KSR2: variants seen among roughly 807,000 people sequenced by gnomAD.
KSR2 encodes kinase suppressor of ras 2.
Under a neutral mutation model 107.8 loss-of-function variants are expected in KSR2, and 25 were observed. The observed-to-expected ratio is 0.23, with a 90% CI of 0.17 to 0.32. The LOEUF (loss-of-function observed/expected upper bound fraction) is 0.32, where lower values mean the gene tolerates loss of function less well. Among genes scored for constraint, KSR2 ranks in the 10% least tolerant of loss-of-function variants. The probability of loss-of-function intolerance (pLI) is 1.00; values close to 1 mark genes in which losing one functional copy is unlikely to be tolerated. For synonymous variants in KSR2, 480 were observed against 507.0 expected (o/e 0.95, Z 0.71); for missense variants, 887 against 1,268.9 (o/e 0.70, Z 4.57).
intron 1 of KSR2, among the ~76,000 whole-genome samples, chr12:117,959,005 T>C (rs966878195): frequency 1.3e-4 from 20 of 152,190 alleles, no homozygotes; most frequent in African/African-American, 4.6e-4. Flanking sequence ...ATGTTCTCAG[T>C]ATAAAGAAAA....
chr12:117,873,461 CTT>C (rs546188012), intron 1 of KSR2, among the ~76,000 whole-genome samples: 1 of 119,470 alleles, frequency 8.4e-6, no homozygotes, highest in Non-Finnish European at 1.7e-5. Context: ...GTTCATGGTG[CTT>C]TTTTTTTTTT....
intron 1 of KSR2, among the ~76,000 whole-genome samples, chr12:117,942,765 G>A (rs186863722): frequency 1.3e-5 from 2 of 151,700 alleles, no homozygotes; most frequent in Admixed American, 6.6e-5. Context: ...CTTCCAAGGT[G>A]CTGGGATTAC....
chr12:117,585,056 C>CTG (rs764103053), intron 5 of KSR2, among the ~76,000 whole-genome samples: 8 of 151,918 alleles, frequency 5.3e-5, no homozygotes, highest in African/African-American at 1.2e-4. Flanking sequence ...CTGTGTGTGT[C>CTG]TGTGTGTGTG....
At chr12:117,887,694 A>G (rs1894216287) in intron 1 of KSR2, among the ~76,000 whole-genome samples, 1 of 152,202 alleles carries the variant, frequency 6.6e-6, no homozygotes, top group Non-Finnish European at 1.5e-5. Flanking sequence ...GTGGCTCATC[A>G]GCAGTATCAA....
intron 3 of KSR2, among the ~76,000 whole-genome samples, chr12:117,781,614 C>A (rs895731721): frequency 7.2e-5 from 11 of 152,194 alleles, no homozygotes; most frequent in African/African-American, 2.7e-4. Context: ...TTGTCTGTGT[C>A]TTCAACTGGA....
At chr12:117,853,769 C>T (rs1893003377) in intron 3 of KSR2, among the ~76,000 whole-genome samples, 1 of 152,134 alleles carries the variant, frequency 6.6e-6, no homozygotes, top group South Asian at 2.1e-4. Flanking sequence ...CAGCCACACT[C>T]ATGTTGGGTG....
At chr12:117,485,793 A>T (rs973797103) in intron 14 of KSR2, 102 bp from the exon 15 acceptor site, 4 of 775,490 alleles carry the variant, frequency 5.2e-6, no homozygotes, top group African/African-American at 5.1e-5. Flanking sequence ...ACACGTGGAC[A>T]TGCCACTATT....
chr12:117,540,847 G>A (rs897255987), intron 9 of KSR2, among the ~76,000 whole-genome samples: 2 of 152,220 alleles, frequency 1.3e-5, no homozygotes, highest in African/African-American at 4.8e-5. Flanking sequence ...AGAACTGTGT[G>A]AGAATAAATT....
At chr12:117,951,218 GTTC>G (rs1896356645) in intron 1 of KSR2, among the ~76,000 whole-genome samples, 2 of 152,118 alleles carry the variant, frequency 1.3e-5, no homozygotes, top group African/African-American at 4.8e-5. Flanking sequence ...GCAACCAGTG[GTTC>G]TTCTAAGAGG....
chr12:117,850,113 A>G (rs1476429251), intron 3 of KSR2, among the ~76,000 whole-genome samples: 2 of 152,228 alleles, frequency 1.3e-5, no homozygotes, highest in African/African-American at 4.8e-5. Context: ...TGAGGGAAGA[A>G]GGGAATTCCA....
intron 5 of KSR2, among the ~76,000 whole-genome samples, chr12:117,642,518 C>T (rs79018238): frequency 1.4e-3 from 213 of 152,328 alleles, no homozygotes; most frequent in African/African-American, 5.0e-3. Flanking sequence ...CTGAATCTTT[C>T]CTCCCTCTTG....
intron 5 of KSR2, among the ~76,000 whole-genome samples, chr12:117,652,944 T>G (rs11561287): frequency 0.047 from 7,220 of 152,280 alleles, 280 homozygotes; most frequent in South Asian, 0.14. Flanking sequence ...AACCCCCACA[T>G]TGGCTCCCTG....
chr12:117,587,775 T>C (rs764434156), intron 5 of KSR2, among the ~76,000 whole-genome samples: 2 of 152,152 alleles, frequency 1.3e-5, no homozygotes, highest in Admixed American at 6.5e-5. Context: ...CGTACCAACG[T>C]TGGGGTTGTT....
At position 117,531,636 on chromosome 12, in the gene KSR2, G is replaced by C. The variant is rs781474585; in HGVS notation, c.1729+30C>G. The C allele has an allele frequency of 4.4e-6, 7 of 1,597,566 alleles. 1 individual carries two copies. In the South Asian group the frequency reaches 7.9e-5, roughly 18 times the overall value. On this transcript the variant is annotated intron_variant, in intron 11 of 19. Transcript: ENST00000339824. The stretch of plus-strand genomic sequence containing the variant: ...GCAATGCAGCGGGGCTTGTTCAGAA[G>C]GGGCTGCTTCCAGCTCACATGAAAC...
intron 7 of KSR2, among the ~76,000 whole-genome samples, chr12:117,568,618 C>A (rs992108615): frequency 6.6e-6 from 1 of 152,072 alleles, no homozygotes; most frequent in African/African-American, 2.4e-5. Flanking sequence ...TAATAATAGA[C>A]CCTACTTTCC....
Position 117,641,330 on chromosome 12 carries a change from C to G in KSR2, c.1171+26144G>C, listed in dbSNP as rs184913637. ...CAGGCCGGTCTCGAATTCCTGACCT[C>G]AGAGCCGACCCACCTGCCTCTGCCT... On this transcript the variant is annotated intron_variant, in intron 5 of 19. Coordinates refer to ENST00000339824, the MANE Select transcript of KSR2 (RefSeq NM_173598.6). Among the ~76,000 whole-genome samples the G allele has an allele frequency of 1.9e-3, 284 of 152,292 alleles. 2 individuals are homozygous for G. The highest frequency in any genetic ancestry group is 6.4e-3 in the African/African-American group (267 of 41,586).
In KSR2 at chr12:117,670,607, C is replaced by A. The variant is rs180713621; in HGVS notation, c.987-2949G>T. On this transcript the variant is annotated intron_variant, in intron 4 of 19. Transcript: ENST00000339824. ...GGCACTGGGGTGGCCAAGAACTGAGCCCTAAATCTTCACTTTTGCTTCATC... is the reference window on the plus strand; with the variant it reads ...GGCACTGGGGTGGCCAAGAACTGAGACCTAAATCTTCACTTTTGCTTCATC... 7.2e-5 allele frequency among the ~76,000 whole-genome samples: 11 copies of A among 152,296 alleles called. No individual in the cohort carries two copies. The East Asian group carries it at 1.9e-3, about 27-fold the overall frequency.
chr12:117,794,418 CAT>C lies in KSR2; in HGVS notation c.473-32896_473-32895del, dbSNP rs1354570865. ...TCACACCAACATGCACACACATGCA[CAT>C]ACAACATGCACACTCACACCAACAT... On this transcript the variant is annotated intron_variant, in intron 3 of 19. Transcript: ENST00000339824. Among the ~76,000 whole-genome samples the C allele has an allele frequency of 7.2e-3, 647 of 90,070 alleles. 53 individuals are homozygous for C. The highest frequency in any genetic ancestry group is 9.4e-3 in the Middle Eastern group (1 of 106). 59.1% of individuals were successfully genotyped at this position (90,070 alleles called of 152,430 possible).
intron 1 of KSR2, among the ~76,000 whole-genome samples, chr12:117,963,832 C>T (rs1566102713): frequency 6.6e-6 from 1 of 152,074 alleles, no homozygotes; most frequent in Non-Finnish European, 1.5e-5. Context: ...CATTCAAATA[C>T]CTTCATCTGG....
Sources: allele counts gnomAD v4.1 joint callset (sites outside exome capture counted in the v4.1 genomes callset), GRCh38; gene constraint gnomAD v4.1.1; transcripts MANE v1.5; gene names NCBI Gene and HGNC (gene_info 2026-07-23, HGNC 2026-07-21).